Variants in HUNK observed in about 807,000 individuals in gnomAD.
The protein encoded by HUNK is hormonally up-regulated neu tumor-associated kinase.
In HUNK, 21 loss-of-function variants were observed where a neutral mutation model predicts 61.0. The observed-to-expected ratio is 0.34, with a 90% CI of 0.24 to 0.50. HUNK has a LOEUF of 0.50. Among genes scored for constraint, HUNK ranks in the 20% least tolerant of loss-of-function variants. The pLI is 0.98. For missense variants in HUNK, 772 were observed against 945.7 expected (o/e 0.82, Z 2.41); for synonymous variants, 371 against 386.1 (o/e 0.96, Z 0.46).
At chr21:31,887,245 A>T (rs949216027) in intron 1 of HUNK, among the ~76,000 whole-genome samples, 3 of 152,160 alleles carry the variant, frequency 2.0e-5, no homozygotes, top group Admixed American at 6.5e-5. Flanking sequence ...GTGTCAGGGG[A>T]TGTTAACGGA....
intron 1 of HUNK, among the ~76,000 whole-genome samples, chr21:31,921,359 G>A (rs2052621478): frequency 6.6e-6 from 1 of 150,814 alleles, no homozygotes; most frequent in Non-Finnish European, 1.5e-5. Flanking sequence ...TGCAGATGCT[G>A]TTGTATAGGG....
At chr21:31,905,108 G>A (rs866270174) in intron 1 of HUNK, among the ~76,000 whole-genome samples, 36 of 151,066 alleles carry the variant, frequency 2.4e-4, no homozygotes, top group African/African-American at 8.5e-4. Flanking sequence ...TTGAGTTAAA[G>A]TGAGGTCCTG....
intron 1 of HUNK, among the ~76,000 whole-genome samples, chr21:31,886,579 G>A (rs1601358968): frequency 6.6e-6 from 1 of 152,226 alleles, no homozygotes; most frequent in East Asian, 1.9e-4. Context: ...CTCCCCACTA[G>A]AGTGTAAGCC....
At chr21:31,961,763 A>G (rs1268901158) in intron 5 of HUNK, among the ~76,000 whole-genome samples, 1 of 152,214 alleles carries the variant, frequency 6.6e-6, no homozygotes, top group Non-Finnish European at 1.5e-5. Context: ...GTGACCCATA[A>G]CAAAGGACAA....
intron 5 of HUNK, among the ~76,000 whole-genome samples, chr21:31,961,622 T>C (rs2052929440): frequency 6.6e-6 from 1 of 152,192 alleles, no homozygotes; most frequent in Non-Finnish European, 1.5e-5. Context: ...GCAGTACAAA[T>C]AAGATGTGAT....
intron 2 of HUNK, among the ~76,000 whole-genome samples, chr21:31,926,991 TTCTTTCTC>T (rs942580207): frequency 6.7e-6 from 1 of 148,878 alleles, no homozygotes; most frequent in Non-Finnish European, 1.5e-5. Context: ...CTTCCTTTCT[TTCTTTCTC>T]TCTCTCTCTT....
chr21:31,920,660 T>C (rs1031152900), intron 1 of HUNK, among the ~76,000 whole-genome samples: 1 of 152,172 alleles, frequency 6.6e-6, no homozygotes, highest in Non-Finnish European at 1.5e-5. Flanking sequence ...TTGAACTACT[T>C]GGGGCCAGAC....
Position 32,002,713 on chromosome 21 carries a change from G to A in HUNK, c.*3529G>A, listed in dbSNP as rs571602464. 5.9e-5 allele frequency: 9 copies of A among 152,322 alleles called. No homozygotes were observed. The South Asian group carries it at 1.0e-3, about 18-fold the overall frequency. The allele number at this position is 152,322 out of a possible 1,614,324, so 9.4% of individuals were successfully genotyped here. On this transcript the variant is annotated 3_prime_UTR_variant, in exon 11 of 11. Transcript: ENST00000270112. ...GGATGGAATGGGAGGGTGGGATCTA[G>A]ATGACCTCTTGAAATTGTCCCAGTT...
intron 2 of HUNK, among the ~76,000 whole-genome samples, chr21:31,936,429 T>A (rs1296342808): frequency 6.6e-6 from 1 of 152,238 alleles, no homozygotes; most frequent in Non-Finnish European, 1.5e-5. Context: ...CGTGGGTAAG[T>A]ACACTGATCT....
chr21:31,938,772 T>C (rs1269631004), intron 2 of HUNK, among the ~76,000 whole-genome samples: 1 of 152,210 alleles, frequency 6.6e-6, no homozygotes, highest in South Asian at 2.1e-4. Context: ...TCTGTGTGTG[T>C]GCGTGTGTGT....
At chr21:31,896,110 G>C (rs2052423198) in intron 1 of HUNK, among the ~76,000 whole-genome samples, 1 of 152,194 alleles carries the variant, frequency 6.6e-6, no homozygotes, top group South Asian at 2.1e-4. Flanking sequence ...CCAAGGAGAA[G>C]GGCCTCAGGA....
At position 31,909,893 on chromosome 21, in the gene HUNK, C is replaced by T. The variant is rs115430028; in HGVS notation, c.262-14575C>T. Among the ~76,000 whole-genome samples, 1,453 of 152,310 alleles carry T rather than the reference C, an allele frequency of 9.5e-3. 24 individuals carry two copies. The highest frequency in any genetic ancestry group is 0.034 in the African/African-American group (1,401 of 41,566). ...TTTCAAAACTCCCCACTGGGTCATG[C>T]TAATCACCACAGTTTTCAGCCCTTT... is the stretch of plus-strand genomic sequence containing the variant. On this transcript the variant is annotated intron_variant, in intron 1 of 10. Coordinates refer to ENST00000270112, the MANE Select transcript of HUNK (RefSeq NM_014586.2).
In HUNK at chr21:31,958,814, C is replaced by T. The variant is rs116407344; in HGVS notation, c.747-29C>T. 3,496 of 1,543,166 alleles carry T rather than the reference C, an allele frequency of 2.3e-3. 15 individuals are homozygous for T. The highest frequency in any genetic ancestry group is 0.017 in the African/African-American group (1,215 of 72,886). On this transcript the variant is annotated intron_variant, in intron 4 of 10. Coordinates refer to ENST00000270112, the MANE Select transcript of HUNK (RefSeq NM_014586.2). ...TTCCCCTCCCCAGGGGACCTGACTC[C>T]GCTTTCATGTGTATGTCTCTCTTTT...
chr21:31,990,180 A>G lies in HUNK; in HGVS notation c.1305+4A>G, dbSNP rs1184915756. The G allele has an allele frequency of 6.2e-7, 1 of 1,613,256 alleles. No homozygotes were observed. Among genetic ancestry groups the G allele is most frequent in the Non-Finnish European group, 8.5e-7 (1 of 1,179,348 alleles). On this transcript the variant is annotated splice_donor_region_variant and intron_variant, in intron 9 of 10. Coordinates refer to ENST00000270112, the MANE Select transcript of HUNK (RefSeq NM_014586.2). Reference sequence around the variant, plus strand: ...TCTTGAATTCCATGCCGTGCAGGTAAGAACTTGGGGGATTATTATGTTAGT... The same window carrying G: ...TCTTGAATTCCATGCCGTGCAGGTAGGAACTTGGGGGATTATTATGTTAGT...
intron 1 of HUNK, among the ~76,000 whole-genome samples, chr21:31,902,454 G>C (rs533014458): frequency 1.3e-5 from 2 of 152,108 alleles, no homozygotes; most frequent in Non-Finnish European, 2.9e-5. Context: ...AGGTTGCGGT[G>C]AGCCAAGATC....
At chr21:31,953,968 G>T (rs2052870404) in intron 4 of HUNK, among the ~76,000 whole-genome samples, 1 of 152,190 alleles carries the variant, frequency 6.6e-6, no homozygotes, top group Non-Finnish European at 1.5e-5. Flanking sequence ...CTTATCTGTG[G>T]TCCCAGCCAG....
At chr21:31,981,536 A>T (rs373367802) in intron 7 of HUNK, among the ~76,000 whole-genome samples, 1 of 152,060 alleles carries the variant, frequency 6.6e-6, no homozygotes, top group African/African-American at 2.4e-5. Context: ...AATTTCTTTC[A>T]TCAGTGTCTT....
chr21:31,979,601 C>T lies in HUNK; in HGVS notation c.1174-3925C>T, dbSNP rs150838802. Among the ~76,000 whole-genome samples, 934 of 144,050 alleles carry T rather than the reference C, an allele frequency of 6.5e-3. 8 individuals are homozygous for T. Among genetic ancestry groups the T allele is most frequent in the African/African-American group, 0.021 (829 of 38,756 alleles). 94.5% of individuals were successfully genotyped at this position (144,050 alleles called of 152,430 possible). ...CGTGATCTCAGCTCACTGCAAGCTCCGCCTCCTGGGTTCACGCTATTCTCC... is the reference window on the plus strand; with the variant it reads ...CGTGATCTCAGCTCACTGCAAGCTCTGCCTCCTGGGTTCACGCTATTCTCC... On this transcript the variant is annotated intron_variant, in intron 7 of 10. Transcript: ENST00000270112.
At chr21:31,951,208 A>AT (rs397706828) in intron 4 of HUNK, among the ~76,000 whole-genome samples, 29 of 150,096 alleles carry the variant, frequency 1.9e-4, no homozygotes, top group South Asian at 1.0e-3. Flanking sequence ...ATATATATAT[A>AT]AAAATAACAT....
Sources: allele counts gnomAD v4.1 joint callset (sites outside exome capture counted in the v4.1 genomes callset), GRCh38; gene constraint gnomAD v4.1.1; transcripts MANE v1.5; gene names NCBI Gene and HGNC (gene_info 2026-07-23, HGNC 2026-07-21).